The following FAM227A variants were observed in gnomAD, a reference collection of about 807,000 sequenced individuals.
FAM227A encodes family with sequence similarity 227 member A, also known as protein FAM227A.
Under a neutral mutation model 74.7 loss-of-function variants are expected in FAM227A, and 80 were observed. The observed-to-expected ratio is 1.07, with a 90% CI of 0.89 to 1.29. The LOEUF (loss-of-function observed/expected upper bound fraction) is 1.29. Among genes scored for constraint, FAM227A ranks in the 50% most tolerant of loss-of-function variants. The pLI is 0.00. For missense variants in FAM227A, 654 were observed against 683.4 expected (o/e 0.96, Z 0.48); for synonymous variants, 237 against 241.8 (o/e 0.98, Z 0.19).
intron 6 of FAM227A, among the ~76,000 whole-genome samples, chr22:38,635,531 T>C (rs764784866): frequency 6.6e-6 from 1 of 152,036 alleles, no homozygotes; most frequent in Admixed American, 6.6e-5. Context: ...ATCTCCAGAG[T>C]TGCCAGTGTT....
At chr22:38,637,159 G>A (rs1283316332) in intron 5 of FAM227A, among the ~76,000 whole-genome samples, 1 of 152,064 alleles carries the variant, frequency 6.6e-6, no homozygotes, top group East Asian at 1.9e-4. Context: ...GACTTTGATC[G>A]TTCTAAGAAG....
At chr22:38,634,221 CAAAAAAA>C (rs34039010) in intron 6 of FAM227A, among the ~76,000 whole-genome samples, 1 of 62,156 alleles carries the variant, frequency 1.6e-5, no homozygotes, top group Admixed American at 1.9e-4. Flanking sequence ...GACTCTGTCT[CAAAAAAA>C]AAAAAAAAAA....
chr22:38,581,180 C>CT lies in FAM227A; in HGVS notation c.*4944dup, dbSNP rs1476871715. The CT allele has an allele frequency of 6.6e-6, 1 of 152,212 alleles. No individual in the cohort carries two copies. The highest frequency in any genetic ancestry group is 1.5e-5 in the Non-Finnish European group (1 of 68,046). 9.4% of individuals were successfully genotyped at this position (152,212 alleles called of 1,614,324 possible). On this transcript the variant is annotated 3_prime_UTR_variant, in exon 17 of 17. Transcript: ENST00000535113. Reference sequence around the variant, plus strand: ...ATTATTAATGCCCAAATGGTCCTCTCTTTTAGCTAATGGGATTGTCTCTAA... The same window carrying CT: ...ATTATTAATGCCCAAATGGTCCTCTCTTTTTAGCTAATGGGATTGTCTCTAA...
intron 11 of FAM227A, among the ~76,000 whole-genome samples, chr22:38,615,863 C>G (rs2091564643): frequency 6.6e-6 from 1 of 152,118 alleles, no homozygotes; most frequent in Non-Finnish European, 1.5e-5. Context: ...TGCAGTCAGC[C>G]AGGCAAGAGA....
intron 15 of FAM227A, 88 bp from the exon 16 acceptor site, chr22:38,591,628 C>G: frequency 4.7e-6 from 4 of 842,232 alleles, no homozygotes; most frequent in Non-Finnish European, 7.0e-6. Flanking sequence ...ACTGATAGAT[C>G]CACGTGACCA....
chr22:38,643,510 T>C (rs1213068926), intron 3 of FAM227A, among the ~76,000 whole-genome samples: 1 of 152,132 alleles, frequency 6.6e-6, no homozygotes, highest in Admixed American at 6.6e-5. Context: ...CACCAAATAC[T>C]GGTGAGAACG....
At chr22:38,587,363 GTT>G in intron 16 of FAM227A, among the ~76,000 whole-genome samples, 1 of 152,148 alleles carries the variant, frequency 6.6e-6, no homozygotes, top group East Asian at 1.9e-4. Flanking sequence ...CAAACTTTGA[GTT>G]TGAATGACTA....
chr22:38,582,342 T>C lies in FAM227A; in HGVS notation c.*3783A>G. The C allele has an allele frequency of 6.5e-7, 1 of 1,549,852 alleles. No individual in the cohort carries two copies. Among genetic ancestry groups the C allele is most frequent in the Non-Finnish European group, 8.7e-7 (1 of 1,146,466 alleles). On this transcript the variant is annotated 3_prime_UTR_variant, in exon 17 of 17. Coordinates refer to ENST00000535113, the MANE Select transcript of FAM227A (RefSeq NM_001013647.2). ...GACTATAGGATTTTAACTTCATCTC[T>C]TCTAGTTTAACATCTGAATTTATCT...
intron 12 of FAM227A, among the ~76,000 whole-genome samples, chr22:38,606,131 C>T (rs1018681305): frequency 6.6e-6 from 1 of 152,094 alleles, no homozygotes; most frequent in African/African-American, 2.4e-5. Context: ...GCCCCTATGC[C>T]CCAGAGCCCA....
intron 16 of FAM227A, among the ~76,000 whole-genome samples, chr22:38,589,813 A>C (rs5750630): frequency 0.25 from 38,533 of 152,104 alleles, 5,313 homozygotes; most frequent in East Asian, 0.36. Flanking sequence ...GCCAAATATC[A>C]ATCAAGAACA....
chr22:38,603,864 A>T (rs1223116840), intron 13 of FAM227A, among the ~76,000 whole-genome samples: 1 of 152,192 alleles, frequency 6.6e-6, no homozygotes, highest in Non-Finnish European at 1.5e-5. Flanking sequence ...TAAAGATTTT[A>T]TTGAGAATAG....
chr22:38,649,565 C>CAA (rs1163806396), intron 2 of FAM227A, among the ~76,000 whole-genome samples: 28 of 129,722 alleles, frequency 2.2e-4, no homozygotes, highest in African/African-American at 7.4e-4. Flanking sequence ...GACTCTGTCT[C>CAA]AAAAAAAAAA....
intron 11 of FAM227A, among the ~76,000 whole-genome samples, chr22:38,614,207 C>T (rs1296723986): frequency 1.3e-5 from 2 of 152,150 alleles, no homozygotes; most frequent in African/African-American, 4.8e-5. Context: ...TGCAAAGAGA[C>T]GCAGGAGAGA....
At chr22:38,640,726 G>A (rs1039324736) in intron 3 of FAM227A, among the ~76,000 whole-genome samples, 6 of 152,190 alleles carry the variant, frequency 3.9e-5, no homozygotes, top group Admixed American at 3.9e-4. Flanking sequence ...TGAGGTCAAC[G>A]TGGGCCAGAG....
intron 8 of FAM227A, 56 bp from the exon 9 acceptor site, chr22:38,626,359 G>T: frequency 6.6e-7 from 1 of 1,510,404 alleles, no homozygotes; most frequent in Non-Finnish European, 8.9e-7. Context: ...CGGCTTACAT[G>T]ATTTGGGGAT....
intron 15 of FAM227A, 35 bp from the exon 16 acceptor site, chr22:38,591,575 C>A: frequency 6.9e-7 from 1 of 1,452,816 alleles, no homozygotes. Flanking sequence ...TGGAAAAAGG[C>A]TGGAGTGATT....
chr22:38,641,657 G>A (rs1395523133), intron 3 of FAM227A, among the ~76,000 whole-genome samples: 2 of 151,512 alleles, frequency 1.3e-5, no homozygotes, highest in Non-Finnish European at 2.9e-5. Flanking sequence ...GTAATCCTCT[G>A]CCTCATAGCC....
chr22:38,620,034 C>T (rs901502715), intron 11 of FAM227A, among the ~76,000 whole-genome samples, 178 bp downstream of exon 11: 1 of 152,174 alleles, frequency 6.6e-6, no homozygotes, highest in Non-Finnish European at 1.5e-5. Context: ...CACTTAGCCA[C>T]TTACCCATGG....
At position 38,582,409 on chromosome 22, in the gene FAM227A, T is replaced by C. The variant is rs1485100913; in HGVS notation, c.*3716A>G. 6.5e-7 allele frequency: 1 copy of C among 1,550,346 alleles called. No individual in the cohort carries two copies. The highest frequency in any genetic ancestry group is 2.0e-5 in the Admixed American group (1 of 51,004). On this transcript the variant is annotated 3_prime_UTR_variant, in exon 17 of 17. Transcript: ENST00000535113. ...TATGGGTTTTCAGCAACACTGGGAA[T>C]GACAGAATTAGAATATCATACAATT...
Sources: allele counts gnomAD v4.1 joint callset (sites outside exome capture counted in the v4.1 genomes callset), GRCh38; gene constraint gnomAD v4.1.1; transcripts MANE v1.5; gene names NCBI Gene and HGNC (gene_info 2026-07-23, HGNC 2026-07-21).